APC2: variants seen among roughly 807,000 people sequenced by gnomAD.
The protein encoded by APC2 is adenomatous polyposis coli protein 2.
Under a neutral mutation model 72.5 loss-of-function variants are expected in APC2, and 41 were observed. The ratio of observed to expected loss-of-function variants is 0.57; its 90% CI spans 0.44 to 0.73. The LOEUF is 0.73. Ranked by LOEUF, APC2 falls within the 30% of genes least tolerant of loss-of-function variation. APC2 has a pLI of 0.00. For synonymous variants in APC2, 1,898 were observed against 1,612.0 expected, an observed-to-expected ratio of 1.18 and a Z score of -4.25; for missense variants, 3,729 against 3,403.4, an observed-to-expected ratio of 1.10 and a Z score of -2.38.
chr19:1,468,513 GGAC>G lies in APC2; in HGVS notation c.5216_5218del (p.Arg1739del). ...CCTACAGCCCCCCAAGCACAGGAAG[GGAC>G]GACAGGCGGAGGGAGAAATGGGCAG... On this transcript the variant is annotated inframe_deletion, in exon 15 of 15. Coordinates refer to ENST00000590469, the MANE Select transcript of APC2 (RefSeq NM_005883.3). The G allele has an allele frequency of 1.9e-6, 3 of 1,603,526 alleles. No individual in the cohort carries two copies. The highest frequency in any genetic ancestry group is 2.6e-6 in the Non-Finnish European group (3 of 1,174,942).
intron 14 of APC2, 142 bp from the exon 15 acceptor site, chr19:1,465,013 T>C: frequency 1.3e-6 from 1 of 764,124 alleles, no homozygotes; most frequent in East Asian, 2.9e-5. Flanking sequence ...CTTTGGGATA[T>C]ACTTATACCA....
At position 1,466,487 on chromosome 19, in the gene APC2, G is replaced by C; in HGVS notation, c.3186G>C (p.Glu1062Asp). 1 of 1,597,880 alleles carries C rather than the reference G, an allele frequency of 6.3e-7. No homozygotes were observed. Among genetic ancestry groups the C allele is most frequent in the Non-Finnish European group, 8.5e-7 (1 of 1,179,440 alleles). Residue 1062 changes from glutamate to aspartate, a missense_variant, in exon 15 of 15, where the codon GAG (glutamate) becomes GAC (aspartate). Transcript: ENST00000590469. ...SKALQKLAAQ[E>D]GPLSLSRCSS... ...CACTGCAGAAACTGGCGGCGCAAGA[G>C]GGGCCACTCTCGCTGTCCCGATGCA...
In APC2 at chr19:1,453,543, C is replaced by T. The variant is rs547529772; in HGVS notation, c.345C>T (p.Pro115=). The change falls in exon 4 of 15, where the codon CCC becomes CCT. Residue 115 remains proline, a synonymous_variant. Coordinates refer to ENST00000590469, the MANE Select transcript of APC2 (RefSeq NM_005883.3). Reference sequence around the variant, plus strand: ...GCAGCCCAGTACACGGCTCCGGGCCCTCCAAGGACAGCTTTGGGGAGCTGA... The same window carrying T: ...GCAGCCCAGTACACGGCTCCGGGCCTTCCAAGGACAGCTTTGGGGAGCTGA... The part of the protein sequence containing the change: ...PEGSPVHGSG[P]SKDSFGELSR... The T allele has an allele frequency of 4.3e-6, 7 of 1,611,764 alleles. No homozygotes were observed. Among genetic ancestry groups the T allele is most frequent in the Middle Eastern group, 1.7e-4 (1 of 6,060 alleles).
At chr19:1,456,556 A>T in intron 8 of APC2, 152 bp downstream of exon 8, 1 of 912,752 alleles carries the variant, frequency 1.1e-6, no homozygotes, top group Non-Finnish European at 1.6e-6. Flanking sequence ...GCTCATGCAG[A>T]AGCTGCGGGC....
Position 1,469,027 on chromosome 19 carries a change from C to G in APC2, c.5726C>G (p.Pro1909Arg), listed in dbSNP as rs1182769196. Residue 1909 changes from proline (P) to arginine (R), a missense_variant, in exon 15 of 15, where the codon CCC becomes CGC. Coordinates refer to ENST00000590469, the MANE Select transcript of APC2 (RefSeq NM_005883.3). ...ALPGPGASPV[P>R]KTPARTLLAK... Reference sequence around the variant, plus strand: ...CCCGGCCCCGGAGCCTCCCCGGTGCCCAAAACGCCGGCGCGCACCCTTCTG... The same window carrying G: ...CCCGGCCCCGGAGCCTCCCCGGTGCGCAAAACGCCGGCGCGCACCCTTCTG... 10 of 1,546,514 alleles carry G rather than the reference C, an allele frequency of 6.5e-6. No individual in the cohort carries two copies. The highest frequency in any genetic ancestry group is 8.7e-6 in the Non-Finnish European group (10 of 1,148,878).
rs756345568 is a variant in APC2, at chr19:1,468,147, C to T, written c.4846C>T (p.Arg1616Cys). 4.7e-6 allele frequency: 7 copies of T among 1,477,130 alleles called. No individual in the cohort carries two copies. The highest frequency in any genetic ancestry group is 2.9e-5 in the African/African-American group (2 of 67,846). 91.5% of individuals were successfully genotyped at this position (1,477,130 alleles called of 1,614,324 possible). A position where few individuals can be genotyped will look rare whatever the true frequency, so the allele number is the denominator to read the frequency against. Residue 1616 changes from arginine (R) to cysteine (C), a missense_variant, in exon 15 of 15, where the codon CGC becomes TGC. Coordinates refer to ENST00000590469, the MANE Select transcript of APC2 (RefSeq NM_005883.3). ...VTKDPGPGGG[R>C]DSSPSPRAAE... ...CAAGGACCCGGGCCCAGGAGGCGGACGCGACAGCTCGCCCAGCCCGCGGGC... is the reference window on the plus strand; with the variant it reads ...CAAGGACCCGGGCCCAGGAGGCGGATGCGACAGCTCGCCCAGCCCGCGGGC...
At position 1,469,356 on chromosome 19, in the gene APC2, T is replaced by C; in HGVS notation, c.6055T>C (p.Ser2019Pro). ...SELSSAESAA[S>P]APQGASPRRG... ...GCTGTCCTCGGCCGAGTCCGCGGCC[T>C]CTGCCCCCCAGGGCGCCTCGCCCCG... is the stretch of plus-strand genomic sequence containing the variant. Residue 2019 changes from serine to proline, a missense_variant, in exon 15 of 15, where the codon TCT becomes CCT. Ser to Pro is a moderately conservative substitution (Grantham distance 74). Transcript: ENST00000590469. 7.6e-7 allele frequency: 1 copy of C among 1,311,758 alleles called. No individual in the cohort carries two copies. Among genetic ancestry groups the C allele is most frequent in the Non-Finnish European group, 9.8e-7 (1 of 1,024,476 alleles). The allele number at this position is 1,311,758 out of a possible 1,614,324, so 81.3% of individuals were successfully genotyped here.
intron 10 of APC2, among the ~76,000 whole-genome samples, chr19:1,459,965 G>C (rs1475698915): frequency 2.0e-5 from 3 of 152,248 alleles, no homozygotes; most frequent in Non-Finnish European, 4.4e-5. Context: ...GGAGGCGGGG[G>C]TGGCAGTCAC....
Position 1,450,962 on chromosome 19 carries a change from G to A in APC2, c.-19+624G>A, listed in dbSNP as rs114800016. 6.1e-3 allele frequency among the ~76,000 whole-genome samples: 928 copies of A among 152,314 alleles called. 12 individuals are homozygous for A. Among genetic ancestry groups the A allele is most frequent in the African/African-American group, 0.021 (888 of 41,562 alleles). Reference sequence around the variant, plus strand: ...AGCCTCCAGCCTCTAAGTGAGTCGCGGTGTACATGGAGGAGTCGGAGCGTA... The same window carrying A: ...AGCCTCCAGCCTCTAAGTGAGTCGCAGTGTACATGGAGGAGTCGGAGCGTA... On this transcript the variant is annotated intron_variant, in intron 1 of 14. Transcript: ENST00000590469.
At chr19:1,456,813 G>A (rs1420271014) in intron 8 of APC2, 40 bp from the exon 9 acceptor site, 3 of 1,571,316 alleles carry the variant, frequency 1.9e-6, no homozygotes, top group South Asian at 1.2e-5. Context: ...TGTGCGGGGG[G>A]CAGGTGAGGG....
In APC2 at chr19:1,460,803, C is replaced by G; in HGVS notation, c.1467C>G (p.Gly489=). The G allele has an allele frequency of 6.2e-7, 1 of 1,613,196 alleles. No individual in the cohort carries two copies. The highest frequency in any genetic ancestry group is 8.5e-7 in the Non-Finnish European group (1 of 1,179,964). Residue 489 remains glycine (G), a synonymous_variant, in exon 12 of 15, where the codon GGC becomes GGG. Transcript: ENST00000590469. Reference sequence around the variant, plus strand: ...AGGCCACCCTGTGTGCGCGCCGCGGCTGCATGGAGGCCATCGTGGCCCAGC... The same window carrying G: ...AGGCCACCCTGTGTGCGCGCCGCGGGTGCATGGAGGCCATCGTGGCCCAGC... The part of the protein sequence containing the change: ...ANKATLCARR[G]CMEAIVAQLA...
rs1294256267 is a variant in APC2 at position 1,467,073 on chromosome 19, G to T, written c.3772G>T (p.Ala1258Ser). 1 of 1,611,256 alleles carries T rather than the reference G, an allele frequency of 6.2e-7. No individual in the cohort carries two copies. Among genetic ancestry groups the T allele is most frequent in the Non-Finnish European group, 8.5e-7 (1 of 1,179,382 alleles). Reference sequence around the variant, plus strand: ...CTGCCGGCTGCCATCTGAGCTGGACGCAGGCAGCGTGCGCTTTACCGTGGA... The same window carrying T: ...CTGCCGGCTGCCATCTGAGCTGGACTCAGGCAGCGTGCGCTTTACCGTGGA... ...ERCRLPSELD[A>S]GSVRFTVEKP... The change falls in exon 15 of 15, where the codon GCA becomes TCA. Residue 1258 changes from alanine to serine, a missense_variant. Coordinates refer to ENST00000590469, the MANE Select transcript of APC2 (RefSeq NM_005883.3).
Position 1,462,031 on chromosome 19 carries a change from G to C in APC2, c.1707G>C (p.Ala569=). ...NLSAHSTENK[A]AICQVDGALG... ...CTGCACACAGCACAGAGAACAAGGC[G>C]GCCATCTGCCAGGTGGATGGCGCCC... The change falls in exon 14 of 15, where the codon GCG becomes GCC. Residue 569 remains alanine (A), a synonymous_variant. Transcript: ENST00000590469. The C allele has an allele frequency of 6.2e-7, 1 of 1,612,976 alleles. No individual in the cohort carries two copies. The highest frequency in any genetic ancestry group is 8.5e-7 in the Non-Finnish European group (1 of 1,179,976).
At position 1,457,895 on chromosome 19, in the gene APC2, C is replaced by CCGGGGG. The variant is rs374378343; in HGVS notation, c.1208-70_1208-69insCGGGGG. On this transcript the variant is annotated intron_variant, in intron 9 of 14. Coordinates refer to ENST00000590469, the MANE Select transcript of APC2 (RefSeq NM_005883.3). ...CTTCAGGCCTGGGGCGGGCGGGTTG[C>CCGGGGG]GGGACCTTCGGGAGTCACCTGGGAC... is the stretch of plus-strand genomic sequence containing the variant. The CCGGGGG allele has an allele frequency of 2.1e-5, 26 of 1,251,690 alleles. 3 individuals carry two copies. The African/African-American group carries it at 6.1e-4, about 29-fold the overall frequency. 77.5% of individuals were successfully genotyped at this position (1,251,690 alleles called of 1,614,324 possible). A position where few individuals can be genotyped will look rare whatever the true frequency, so the allele number is the denominator to read the frequency against.
intron 14 of APC2, 52 bp downstream of exon 14, chr19:1,462,229 A>T (rs1472019516): frequency 6.8e-7 from 1 of 1,461,144 alleles, no homozygotes; most frequent in Non-Finnish European, 9.1e-7. Context: ...CGGGGCGGGC[A>T]CAGGGCTGGG....
chr19:1,469,149 G>C lies in APC2; in HGVS notation c.5848G>C (p.Glu1950Gln). 1 of 1,288,530 alleles carries C rather than the reference G, an allele frequency of 7.8e-7. No individual in the cohort carries two copies. Among genetic ancestry groups the C allele is most frequent in the Non-Finnish European group, 9.8e-7 (1 of 1,017,488 alleles). 79.8% of individuals were successfully genotyped at this position (1,288,530 alleles called of 1,614,324 possible). Reference sequence around the variant, plus strand: ...GCCACCGCTGGCTCGGGCAGTCCCGGAGCCGGGCCCCAGGGGCCGGGCGGG... The same window carrying C: ...GCCACCGCTGGCTCGGGCAGTCCCGCAGCCGGGCCCCAGGGGCCGGGCGGG... Reference protein sequence around the residue: ...GPPPLARAVPEPGPRGRAGTE... With the variant: ...GPPPLARAVPQPGPRGRAGTE... The change falls in exon 15 of 15, where the codon GAG (glutamate) becomes CAG (glutamine). Residue 1950 changes from glutamate (E) to glutamine (Q), a missense_variant. Coordinates refer to ENST00000590469, the MANE Select transcript of APC2 (RefSeq NM_005883.3).
Position 1,470,293 on chromosome 19 carries a change from C to T in APC2, c.*80C>T. The T allele has an allele frequency of 6.9e-7, 1 of 1,442,720 alleles. No individual in the cohort carries two copies. Among genetic ancestry groups the T allele is most frequent in the Non-Finnish European group, 9.1e-7 (1 of 1,098,892 alleles). 89.4% of individuals were successfully genotyped at this position (1,442,720 alleles called of 1,614,324 possible). ...CTGCCCCATGGGCCTGCGCTGTAGA[C>T]GTCCCCCATAGGTCGCCCCAGGGCC... On this transcript the variant is annotated 3_prime_UTR_variant, in exon 15 of 15. Coordinates refer to ENST00000590469, the MANE Select transcript of APC2 (RefSeq NM_005883.3).
intron 2 of APC2, 26 bp downstream of exon 2, chr19:1,453,168 G>C: frequency 1.3e-6 from 2 of 1,586,244 alleles, no homozygotes. Flanking sequence ...GAGGAGGTGG[G>C]CTAGGGTCCC....
chr19:1,448,105 C>T (rs554192750), upstream of APC2, among the ~76,000 whole-genome samples: 36 of 152,266 alleles, frequency 2.4e-4, no homozygotes, highest in African/African-American at 8.7e-4. Context: ...GCCCTGGGCT[C>T]TGCATCCCCA....
Sources: allele counts gnomAD v4.1 joint callset (sites outside exome capture counted in the v4.1 genomes callset), GRCh38; gene constraint gnomAD v4.1.1; transcripts MANE v1.5; gene names NCBI Gene and HGNC (gene_info 2026-07-23, HGNC 2026-07-21).